COX6B2: variants seen among roughly 807,000 people sequenced by gnomAD.
COX6B2 encodes the protein COX VIb-2.
In COX6B2, 12 loss-of-function variants were observed where a neutral mutation model predicts 13.7. The observed-to-expected ratio is 0.87, with a 90% CI of 0.56 to 1.41. The LOEUF is 1.41. Among genes scored for constraint, COX6B2 ranks in the 40% most tolerant of loss-of-function variants. The pLI is 0.00. For synonymous variants in COX6B2, 56 were observed against 46.6 expected (o/e 1.20, Z -0.82); for missense variants, 130 against 118.3 (o/e 1.10, Z -0.46).
In COX6B2 at chr19:55,353,977, C is replaced by A. The variant is rs963574618; in HGVS notation, c.113-11G>T. On this transcript the variant is annotated splice_polypyrimidine_tract_variant and intron_variant, in intron 2 of 4. Transcript: ENST00000326529. ...GGCAGCGGTGGTAGTCTGTGGCGGG[C>A]GGGGGTCACGCGGCAAGCCACGCCC... The A allele has an allele frequency of 6.5e-7, 1 of 1,537,144 alleles. No homozygotes were observed. Among genetic ancestry groups the A allele is most frequent in the South Asian group, 1.2e-5 (1 of 83,968 alleles).
chr19:55,352,627 C>T lies in COX6B2; in HGVS notation c.*114+980G>A, dbSNP rs2089676770. On this transcript the variant is annotated intron_variant, in intron 4 of 4. Transcript: ENST00000326529. The surrounding 1 kb of genome is among the most constrained non-coding windows in gnomAD (Gnocchi z 6.2). ...AGGAGCCCCTCTGGAAGGCTGATAG[C>T]TCAGGGAGTACCCGTTGGGAAAACC... 1 of 152,154 alleles carries T rather than the reference C, an allele frequency of 6.6e-6. No individual in the cohort carries two copies. Among genetic ancestry groups the T allele is most frequent in the African/African-American group, 2.4e-5 (1 of 41,420 alleles). 9.4% of individuals were successfully genotyped at this position (152,154 alleles called of 1,614,324 possible). A position where few individuals can be genotyped will look rare whatever the true frequency, so the allele number is the denominator to read the frequency against.
At chr19:55,354,328 C>T (rs2089693473) in intron 2 of COX6B2, 82 bp downstream of exon 2, 1 of 1,226,674 alleles carries the variant, frequency 8.2e-7, no homozygotes, top group South Asian at 1.2e-5. Context: ...ACGGTCTCCG[C>T]GGGACTTAGG....
In COX6B2 at chr19:55,354,664, CG is replaced by C; in HGVS notation, c.-34del. 4.8e-6 allele frequency: 3 copies of C among 626,120 alleles called. No individual in the cohort carries two copies. The highest frequency in any genetic ancestry group is 8.4e-6 in the Non-Finnish European group (3 of 357,730). 38.8% of individuals were successfully genotyped at this position (626,120 alleles called of 1,614,324 possible). A position where few individuals can be genotyped will look rare whatever the true frequency, so the allele number is the denominator to read the frequency against. On this transcript the variant is annotated 5_prime_UTR_variant, in exon 1 of 5. Transcript: ENST00000326529. The stretch of plus-strand genomic sequence containing the variant: ...CGTGCCCTCACCAGCCTGACGTTGG[CG>C]GCCACTGGATCTGCTGTGGGATGGT...
At chr19:55,351,057 C>G (rs1225361093) in intron 4 of COX6B2, among the ~76,000 whole-genome samples, 1 of 152,218 alleles carries the variant, frequency 6.6e-6, no homozygotes, top group African/African-American at 2.4e-5. Flanking sequence ...CAATCAGTCT[C>G]ACTGTCCAGC....
At position 55,354,441 on chromosome 19, in the gene COX6B2, G is replaced by A. The variant is rs775499700; in HGVS notation, c.81C>T (p.Asn27=). ...PPFDPRFPSQ[N]QIRNCYQNFL... Reference sequence around the variant, plus strand: ...AGTTCTGGTAGCAGTTACGGATCTGGTTCTGGCTGGGGAAGCGCGGGTCGA... The same window carrying A: ...AGTTCTGGTAGCAGTTACGGATCTGATTCTGGCTGGGGAAGCGCGGGTCGA... The change falls in exon 2 of 5, where the codon AAC becomes AAT. Residue 27 remains asparagine, a synonymous_variant. Coordinates refer to ENST00000326529, the MANE Select transcript of COX6B2 (RefSeq NM_144613.5). The A allele has an allele frequency of 2.5e-6, 4 of 1,613,870 alleles. No homozygotes were observed. Among genetic ancestry groups the A allele is most frequent in the Non-Finnish European group, 3.4e-6 (4 of 1,179,968 alleles).
chr19:55,354,094 C>T, intron 2 of COX6B2, 128 bp from the exon 3 acceptor site: 2 of 835,570 alleles, frequency 2.4e-6, no homozygotes, highest in South Asian at 1.6e-5. Flanking sequence ...GGCCTCCGTC[C>T]CGCCCCTCCC....
At position 55,353,706 on chromosome 19, in the gene COX6B2, G is replaced by A. The variant is rs373469041; in HGVS notation, c.*15C>T. On this transcript the variant is annotated 3_prime_UTR_variant, in exon 4 of 5. Transcript: ENST00000326529. ...CAGGATCACTGCATCTTCAGAGGAA[G>A]CCGCGCTGGGGCAGTCAGATTTTGC... is the stretch of plus-strand genomic sequence containing the variant. 3.9e-5 allele frequency: 63 copies of A among 1,607,788 alleles called. No homozygotes were observed. The highest frequency in any genetic ancestry group is 1.6e-4 in the Middle Eastern group (1 of 6,066).
At chr19:55,354,012 C>T (rs1335387047) in intron 2 of COX6B2, 46 bp from the exon 3 acceptor site, 7 of 1,450,004 alleles carry the variant, frequency 4.8e-6, no homozygotes, top group Non-Finnish European at 6.4e-6. Flanking sequence ...CATTCCAGGA[C>T]AGGACCCGCC....
rs1265978985 is a variant in COX6B2 at position 55,353,631 on chromosome 19, G to A, written c.*90C>T. Reference sequence around the variant, plus strand: ...CCATTATTCGTGGCTTAGACACTGGGAGGTAGGGGTGGATAACCGAGACCC... The same window carrying A: ...CCATTATTCGTGGCTTAGACACTGGAAGGTAGGGGTGGATAACCGAGACCC... On this transcript the variant is annotated 3_prime_UTR_variant, in exon 4 of 5. Transcript: ENST00000326529. The A allele has an allele frequency of 1.7e-6, 2 of 1,207,398 alleles. No homozygotes were observed. The highest frequency in any genetic ancestry group is 1.5e-5 in the African/African-American group (1 of 66,496). The allele number at this position is 1,207,398 out of a possible 1,614,324, so 74.8% of individuals were successfully genotyped here. A position where few individuals can be genotyped will look rare whatever the true frequency, so the allele number is the denominator to read the frequency against.
intron 4 of COX6B2, chr19:55,353,335 G>A: frequency 8.4e-6 from 3 of 359,138 alleles, no homozygotes; most frequent in South Asian, 4.6e-5. Context: ...GGGTGGGACA[G>A]TGTTGAGAAC....
chr19:55,353,917 C>G lies in COX6B2; in HGVS notation c.162G>C (p.Gln54His). 1 of 1,570,592 alleles carries G rather than the reference C, an allele frequency of 6.4e-7. No individual in the cohort carries two copies. ...KTRTRRGKST[Q>H]PCEYYFRVYH... ...ACACGCGGAAATAGTACTCGCAGGG[C>G]TGCGTGCTCTTCCCGCGGCGGGTCC... Residue 54 changes from glutamine (Q) to histidine (H), a missense_variant, in exon 3 of 5, where the codon CAG becomes CAC. By Grantham distance (24) the Gln-to-His change is conservative. Transcript: ENST00000326529.
rs146718492 is a variant in COX6B2 at position 55,350,272 on chromosome 19, C to G, written c.*643G>C. 21 of 152,420 alleles carry G rather than the reference C, an allele frequency of 1.4e-4. No homozygotes were observed. Among genetic ancestry groups the G allele is most frequent in the African/African-American group, 4.8e-4 (20 of 41,570 alleles). 9.4% of individuals were successfully genotyped at this position (152,420 alleles called of 1,614,324 possible). On this transcript the variant is annotated 3_prime_UTR_variant, in exon 5 of 5. Transcript: ENST00000326529. The surrounding 1 kb of genome is among the most constrained non-coding windows in gnomAD (Gnocchi z 4.2). ...CATTGCAGGATGTTGAGCGGCTTCTCTGGTCTCCACCCACTCGATGCCAGG... is the reference window on the plus strand; with the variant it reads ...CATTGCAGGATGTTGAGCGGCTTCTGTGGTCTCCACCCACTCGATGCCAGG...
intron 4 of COX6B2, 125 bp downstream of exon 4, chr19:55,353,482 G>A: frequency 1.7e-6 from 1 of 589,678 alleles, no homozygotes; most frequent in Non-Finnish European, 3.0e-6. Flanking sequence ...TGGAGCAGCA[G>A]TCCCCCACCT....
At chr19:55,351,106 C>T (rs554390544) in intron 4 of COX6B2, among the ~76,000 whole-genome samples, 2 of 152,328 alleles carry the variant, frequency 1.3e-5, no homozygotes, top group South Asian at 2.1e-4. Flanking sequence ...CATGCTGATT[C>T]GAGTGACTCA....
chr19:55,353,988 C>G lies in COX6B2; in HGVS notation c.113-22G>C, dbSNP rs751764711. The G allele has an allele frequency of 1.3e-5, 20 of 1,529,712 alleles. No homozygotes were observed. The South Asian group carries it at 2.3e-4, about 17-fold the overall frequency. The allele number at this position is 1,529,712 out of a possible 1,614,324, so 94.8% of individuals were successfully genotyped here. A position where few individuals can be genotyped will look rare whatever the true frequency, so the allele number is the denominator to read the frequency against. On this transcript the variant is annotated intron_variant, in intron 2 of 4. Coordinates refer to ENST00000326529, the MANE Select transcript of COX6B2 (RefSeq NM_144613.5). Reference sequence around the variant, plus strand: ...TAGTCTGTGGCGGGCGGGGGTCACGCGGCAAGCCACGCCCATTCCAGGACA... The same window carrying G: ...TAGTCTGTGGCGGGCGGGGGTCACGGGGCAAGCCACGCCCATTCCAGGACA...
At chr19:55,351,364 C>T (rs1167848181) in intron 4 of COX6B2, among the ~76,000 whole-genome samples, 2 of 152,156 alleles carry the variant, frequency 1.3e-5, no homozygotes, top group Non-Finnish European at 2.9e-5. Flanking sequence ...ACCATTCGGG[C>T]TCTGCCACCT....
chr19:55,353,558 C>A, intron 4 of COX6B2, 49 bp downstream of exon 4: 1 of 698,922 alleles, frequency 1.4e-6, no homozygotes, highest in African/African-American at 1.8e-5. Flanking sequence ...ACCACCACCA[C>A]GACGCATCGC....
intron 2 of COX6B2, 99 bp downstream of exon 2, chr19:55,354,311 C>G: frequency 9.0e-7 from 1 of 1,106,144 alleles, no homozygotes; most frequent in Non-Finnish European, 1.4e-6. Context: ...CCCGGCCTCC[C>G]ACCCTAACGG....
rs1048678995 is a variant in COX6B2 at position 55,350,786 on chromosome 19, C to G, written c.*129G>C. ...AGACCAGAGCAAGGGAAACAAGGAACTCGAAGGCTGGTGGCTGTAGGTGAA... is the reference window on the plus strand; with the variant it reads ...AGACCAGAGCAAGGGAAACAAGGAAGTCGAAGGCTGGTGGCTGTAGGTGAA... On this transcript the variant is annotated 3_prime_UTR_variant, in exon 5 of 5. Coordinates refer to ENST00000326529, the MANE Select transcript of COX6B2 (RefSeq NM_144613.5). The surrounding 1 kb of genome is among the most constrained non-coding windows in gnomAD (Gnocchi z 4.2). The G allele has an allele frequency of 6.6e-6, 1 of 152,440 alleles. No homozygotes were observed. The highest frequency in any genetic ancestry group is 2.4e-5 in the African/African-American group (1 of 41,450). 9.4% of individuals were successfully genotyped at this position (152,440 alleles called of 1,614,324 possible).
Sources: gnomAD v4.1 joint callset for allele counts (sites outside exome capture counted in the v4.1 genomes callset) on GRCh38, gnomAD v4.1.1 for gene constraint, Gnocchi (gnomAD v3.1) non-coding constraint, MANE v1.5 for transcripts, NCBI Gene and HGNC (gene_info 2026-07-23, HGNC 2026-07-21) for gene names.